The following VGLL4 variants were observed in gnomAD, a reference collection of about 807,000 sequenced individuals.
VGLL4 encodes the protein vestigial like family member 4, also known as transcription cofactor vestigial-like protein 4.
In VGLL4, 7 loss-of-function variants were observed where a neutral mutation model predicts 21.0. The ratio of observed to expected loss-of-function variants is 0.33; its 90% CI spans 0.19 to 0.63. The LOEUF is 0.63. Among genes scored for constraint, VGLL4 ranks in the 20% least tolerant of loss-of-function variants. The probability of loss-of-function intolerance (pLI) is 0.78; values close to 1 mark genes in which losing one functional copy is unlikely to be tolerated. For synonymous variants in VGLL4, 222 were observed against 173.2 expected, an observed-to-expected ratio of 1.28 and a Z score of -2.21; for missense variants, 394 against 425.7, an observed-to-expected ratio of 0.93 and a Z score of 0.66.
chr3:11,595,841 T>TG lies in VGLL4; in HGVS notation c.272+5991dup, dbSNP rs1553727200. ...TCACACTCTGGGGACTGTTGTGGTG[T>TG]GGGGGGGGCGGGGAATAGCATTAGG... On this transcript the variant is annotated intron_variant, in intron 2 of 4. Transcript: ENST00000430365. Among the ~76,000 whole-genome samples the TG allele has an allele frequency of 1.5e-3, 41 of 27,014 alleles. 2 individuals are homozygous for TG. The South Asian group carries it at 0.02, about 13-fold the overall frequency. The allele number at this position is 27,014 out of a possible 152,430, so 17.7% of individuals were successfully genotyped here. A position where few individuals can be genotyped will look rare whatever the true frequency, so the allele number is the denominator to read the frequency against.
rs535823013 is a variant in VGLL4 at position 11,699,113 on chromosome 3, A to T, written c.64+3858T>A. On this transcript the variant is annotated intron_variant, in intron 2 of 5. Transcript: ENST00000273038. Reference sequence around the variant, plus strand: ...CCCTAAAGTCTGAGAGCAATTTACAACAAAAGCTAAAATAGAATTAATGTA... The same window carrying T: ...CCCTAAAGTCTGAGAGCAATTTACATCAAAAGCTAAAATAGAATTAATGTA... Among the ~76,000 whole-genome samples the T allele has an allele frequency of 3.3e-5, 5 of 152,332 alleles. No homozygotes were observed. In the South Asian group the frequency reaches 1.0e-3, roughly 32 times the overall value.
chr3:11,688,662 ACAGTTTTTGGTTGT>A lies in VGLL4; in HGVS notation c.64+14295_64+14308del, dbSNP rs373293936. On this transcript the variant is annotated intron_variant, in intron 2 of 5. Coordinates refer to the VGLL4 transcript ENST00000273038. ...TTAATTTATTGATCTATTTTAGAAAACAGTTTTTGGTTGTCAGTTTTTGGTTGTATTTTTTAGGT... is the reference window on the plus strand; with the variant it reads ...TTAATTTATTGATCTATTTTAGAAAACAGTTTTTGGTTGTATTTTTTAGGT... Among the ~76,000 whole-genome samples, 1,194 of 152,272 alleles carry A rather than the reference ACAGTTTTTGGTTGT, an allele frequency of 7.8e-3. 7 individuals are homozygous for A. The highest frequency in any genetic ancestry group is 0.024 in the African/African-American group (1,002 of 41,540).
chr3:11,599,936 G>A (rs6772166), intron 2 of VGLL4, among the ~76,000 whole-genome samples: 125,273 of 152,086 alleles, frequency 0.82, 51,993 homozygotes, highest in Non-Finnish European at 0.88. Flanking sequence ...AATCCTATGA[G>A]GAAGGAATTA....
chr3:11,594,571 C>A lies in VGLL4; in HGVS notation c.272+7262G>T, dbSNP rs530548618. Among the ~76,000 whole-genome samples, 7 of 152,324 alleles carry A rather than the reference C, an allele frequency of 4.6e-5. No individual in the cohort carries two copies. The South Asian group carries it at 1.5e-3, about 32-fold the overall frequency. On this transcript the variant is annotated intron_variant, in intron 2 of 4. Coordinates refer to ENST00000430365, the MANE Select transcript of VGLL4 (RefSeq NM_001128219.3). ...AGCACAGAGCCCTCTCAAGGTTCTA[C>A]CCACGAAGCAGCCTAGAATGACTCT... is the stretch of plus-strand genomic sequence containing the variant.
At chr3:11,582,621 CTCTT>C (rs755555021) in intron 2 of VGLL4, among the ~76,000 whole-genome samples, 62 of 152,318 alleles carry the variant, frequency 4.1e-4, no homozygotes, top group South Asian at 1.5e-3. Context: ...ACGCGATTTC[CTCTT>C]TCTTTGTTTC....
intron 2 of VGLL4, among the ~76,000 whole-genome samples, chr3:11,684,600 C>A (rs752559444): frequency 2.0e-5 from 3 of 151,896 alleles, no homozygotes; most frequent in Non-Finnish European, 4.4e-5. Flanking sequence ...AGACTAGGCT[C>A]GAACTCCTGA....
intron 1 of VGLL4, among the ~76,000 whole-genome samples, chr3:11,609,171 C>T (rs192210462): frequency 6.6e-6 from 1 of 152,254 alleles, no homozygotes; most frequent in African/African-American, 2.4e-5. Context: ...CCTGGCCTAA[C>T]CTCTGTTTCT....
chr3:11,614,511 G>T (rs1296085678), intron 1 of VGLL4, among the ~76,000 whole-genome samples: 1 of 152,212 alleles, frequency 6.6e-6, no homozygotes, highest in African/African-American at 2.4e-5. Flanking sequence ...GATTCTGATC[G>T]TGAAATCTCA....
Position 11,571,415 on chromosome 3 carries a change from G to C in VGLL4, c.273-6396C>G, listed in dbSNP as rs952719446. The stretch of plus-strand genomic sequence containing the variant: ...TCTCCATAAAGGGGCCAGGTGCAGT[G>C]ACTCACGCCTGTAATCCCAGCACTT... On this transcript the variant is annotated intron_variant, in intron 2 of 4. Coordinates refer to ENST00000430365, the MANE Select transcript of VGLL4 (RefSeq NM_001128219.3). Among the ~76,000 whole-genome samples the C allele has an allele frequency of 7.9e-5, 12 of 152,352 alleles. 1 individual carries two copies. In the East Asian group the frequency reaches 1.5e-3, roughly 20 times the overall value.
chr3:11,702,891 A>AT, intron 2 of VGLL4: 1 of 1,348,598 alleles, frequency 7.4e-7, no homozygotes, highest in South Asian at 1.5e-5. Context: ...CATGTAGAGA[A>AT]GCATGTAATT....
chr3:11,708,622 G>C (rs960331519), intron 1 of VGLL4, among the ~76,000 whole-genome samples: 3 of 152,174 alleles, frequency 2.0e-5, no homozygotes, highest in Non-Finnish European at 4.4e-5. Flanking sequence ...GAAGTGACAA[G>C]TTTATTTTAT....
chr3:11,593,225 C>T (rs2074543506), intron 2 of VGLL4, among the ~76,000 whole-genome samples: 1 of 152,118 alleles, frequency 6.6e-6, no homozygotes. Context: ...AAACTAAAGG[C>T]TCTAAAGACA....
intron 2 of VGLL4, among the ~76,000 whole-genome samples, chr3:11,584,621 C>A (rs928750430): frequency 6.6e-6 from 1 of 152,104 alleles, no homozygotes; most frequent in African/African-American, 2.4e-5. Flanking sequence ...ATTCGAAGTT[C>A]TGCAAATGAC....
chr3:11,622,727 G>A (rs190182512), intron 1 of VGLL4, among the ~76,000 whole-genome samples: 11 of 152,214 alleles, frequency 7.2e-5, no homozygotes, highest in Admixed American at 5.9e-4. Context: ...TTCTCTCTGC[G>A]CCATTAACCT....
chr3:11,566,383 A>G (rs1014404357), intron 2 of VGLL4, among the ~76,000 whole-genome samples: 1 of 152,200 alleles, frequency 6.6e-6, no homozygotes, highest in African/African-American at 2.4e-5. Context: ...CACAACCAGG[A>G]TATCGACAAT....
At chr3:11,632,306 C>CT (rs2075497405) in intron 1 of VGLL4, among the ~76,000 whole-genome samples, 1 of 119,588 alleles carries the variant, frequency 8.4e-6, no homozygotes, top group Non-Finnish European at 1.7e-5. Flanking sequence ...GAGCAACACT[C>CT]TGTCTCAAAA....
chr3:11,671,202 A>G (rs2125367903), intron 2 of VGLL4: 1 of 1,535,104 alleles, frequency 6.5e-7, no homozygotes, highest in Non-Finnish European at 8.8e-7. Flanking sequence ...TTGCAAATTA[A>G]TTAATTTCAA....
chr3:11,588,476 G>T (rs376955154), intron 2 of VGLL4, among the ~76,000 whole-genome samples: 38 of 152,334 alleles, frequency 2.5e-4, no homozygotes, highest in East Asian at 2.3e-3. Flanking sequence ...ATGGAGATGG[G>T]CCTTGGCAGT....
intron 2 of VGLL4, among the ~76,000 whole-genome samples, chr3:11,665,108 T>TTTTTTTTTTTTTTG (rs2076098920): frequency 8.4e-6 from 1 of 118,572 alleles, no homozygotes; most frequent in African/African-American, 3.5e-5. Context: ...TTTCTTTTTT[T>TTTTTTTTTTTTTTG]TTTTTTTTTT....
Sources: allele counts gnomAD v4.1 joint callset (sites outside exome capture counted in the v4.1 genomes callset), GRCh38; gene constraint gnomAD v4.1.1; transcripts MANE v1.5; gene names NCBI Gene and HGNC (gene_info 2026-07-23, HGNC 2026-07-21).